MAN1A2: variants seen among roughly 807,000 people sequenced by gnomAD.
The protein encoded by MAN1A2 is mannosidase alpha class 1A member 2, also known as mannosyl-oligosaccharide 1,2-alpha-mannosidase IB.
Under a neutral mutation model 75.7 loss-of-function variants are expected in MAN1A2, and 26 were observed. That is an observed-to-expected ratio of 0.34 (90% confidence interval 0.25 to 0.48). The LOEUF is 0.48. MAN1A2 is among the 20% of genes least tolerant of loss of function. The pLI is 0.99. For missense variants in MAN1A2, 562 were observed against 775.5 expected, an observed-to-expected ratio of 0.72 and a Z score of 3.27; for synonymous variants, 247 against 264.6, an observed-to-expected ratio of 0.93 and a Z score of 0.65.
chr1:117,435,541 A>G (rs1364262452), intron 5 of MAN1A2, among the ~76,000 whole-genome samples: 4 of 152,188 alleles, frequency 2.6e-5, no homozygotes, highest in Non-Finnish European at 4.4e-5. Context: ...AAATTAGACA[A>G]TTTTGTAAAA....
intron 8 of MAN1A2, among the ~76,000 whole-genome samples, chr1:117,477,331 C>CA (rs1177556240): frequency 6.6e-6 from 1 of 151,734 alleles, no homozygotes; most frequent in Non-Finnish European, 1.5e-5. Context: ...AGAGACACAA[C>CA]AAAAAAAGAA....
chr1:117,430,997 TA>T (rs1648620719), intron 5 of MAN1A2, among the ~76,000 whole-genome samples: 1 of 133,350 alleles, frequency 7.5e-6, no homozygotes, highest in African/African-American at 2.8e-5. Flanking sequence ...CACTCGCGGT[TA>T]GGGGCTGGAG....
intron 1 of MAN1A2, among the ~76,000 whole-genome samples, chr1:117,384,174 C>T (rs1436515294): frequency 6.6e-6 from 1 of 152,066 alleles, no homozygotes; most frequent in Non-Finnish European, 1.5e-5. Context: ...AGGTTATGGG[C>T]TTGGTTTGCA....
chr1:117,459,505 C>T (rs140373473), intron 6 of MAN1A2, among the ~76,000 whole-genome samples: 1 of 152,192 alleles, frequency 6.6e-6, no homozygotes, highest in East Asian at 1.9e-4. Context: ...GGGGTAAAAA[C>T]GGAAATGGAC....
At chr1:117,397,708 A>G (rs571038957) in intron 1 of MAN1A2, among the ~76,000 whole-genome samples, 9 of 139,704 alleles carry the variant, frequency 6.4e-5, no homozygotes, top group African/African-American at 2.4e-4. Flanking sequence ...CTGGAGTGCA[A>G]TGTCACGATC....
intron 11 of MAN1A2, among the ~76,000 whole-genome samples, chr1:117,502,486 T>C (rs1557976537): frequency 6.6e-6 from 1 of 151,708 alleles, no homozygotes. Context: ...TAAAATTGCA[T>C]TAAAAATTGT....
chr1:117,445,838 A>C, intron 6 of MAN1A2, among the ~76,000 whole-genome samples: 1 of 103,510 alleles, frequency 9.7e-6, no homozygotes, highest in African/African-American at 3.6e-5. Context: ...AAATTTTCAT[A>C]TTTGTGTGTG....
At chr1:117,466,562 C>A in intron 8 of MAN1A2, 135 bp downstream of exon 8, 1 of 527,196 alleles carries the variant, frequency 1.9e-6, no homozygotes, top group Non-Finnish European at 3.4e-6. Context: ...TGGTGCTGTT[C>A]TTAGGCATGT....
chr1:117,470,181 A>C (rs747733581), intron 8 of MAN1A2, among the ~76,000 whole-genome samples: 12 of 152,186 alleles, frequency 7.9e-5, no homozygotes, highest in Non-Finnish European at 1.5e-4. Context: ...CAAACCTTGA[A>C]AACATTATGC....
intron 5 of MAN1A2, among the ~76,000 whole-genome samples, chr1:117,422,009 C>T (rs950258507): frequency 6.6e-6 from 1 of 151,968 alleles, no homozygotes; most frequent in Non-Finnish European, 1.5e-5. Flanking sequence ...AAACTCTGAC[C>T]TGGCTTATAG....
Position 117,524,939 on chromosome 1 carries a change from C to A in MAN1A2, c.*1982C>A. ...ATGTTAGCCTTCCTCGTAAAAGTAG[C>A]ACAAGCCCACTTATGAATCACTGAG... On this transcript the variant is annotated 3_prime_UTR_variant, in exon 13 of 13. Coordinates refer to ENST00000356554, the MANE Select transcript of MAN1A2 (RefSeq NM_006699.5). 3.0e-6 allele frequency: 1 copy of A among 335,458 alleles called. No individual in the cohort carries two copies. Among genetic ancestry groups the A allele is most frequent in the Non-Finnish European group, 6.0e-6 (1 of 165,906 alleles). 20.8% of individuals were successfully genotyped at this position (335,458 alleles called of 1,614,324 possible). A position where few individuals can be genotyped will look rare whatever the true frequency, so the allele number is the denominator to read the frequency against.
chr1:117,391,245 G>A (rs771698588), intron 1 of MAN1A2, among the ~76,000 whole-genome samples: 29 of 152,028 alleles, frequency 1.9e-4, no homozygotes, highest in Non-Finnish European at 2.9e-4. Flanking sequence ...TACATGTTCC[G>A]TTTGCATTTA....
At chr1:117,458,507 A>ATG (rs1239949428) in intron 6 of MAN1A2, among the ~76,000 whole-genome samples, 4,483 of 111,546 alleles carry the variant, frequency 0.04, 182 homozygotes, top group African/African-American at 0.1. Flanking sequence ...CTATATATAT[A>ATG]TATAGATATA....
intron 12 of MAN1A2, 140 bp from the exon 13 acceptor site, chr1:117,522,685 G>A (rs1229179755): frequency 4.3e-6 from 3 of 698,270 alleles, no homozygotes; most frequent in Non-Finnish European, 7.3e-6. Context: ...TCATTTGGGT[G>A]TCTGAGGTTT....
chr1:117,398,777 A>AC (rs1647308039), intron 1 of MAN1A2, among the ~76,000 whole-genome samples: 1 of 152,212 alleles, frequency 6.6e-6, no homozygotes, highest in African/African-American at 2.4e-5. Flanking sequence ...GCTACATTAT[A>AC]CAGAATTTCT....
intron 12 of MAN1A2, among the ~76,000 whole-genome samples, chr1:117,509,417 C>G (rs1644133536): frequency 6.6e-6 from 1 of 151,804 alleles, no homozygotes; most frequent in Non-Finnish European, 1.5e-5. Flanking sequence ...TTTCAAACAC[C>G]CTAAGTGAGA....
At chr1:117,374,409 C>T (rs1256829702) in intron 1 of MAN1A2, among the ~76,000 whole-genome samples, 2 of 152,100 alleles carry the variant, frequency 1.3e-5, no homozygotes, top group African/African-American at 4.8e-5. Context: ...AGTTTATTTT[C>T]ACTGCTATTG....
chr1:117,460,451 C>T, intron 6 of MAN1A2, 38 bp from the exon 7 acceptor site: 2 of 1,529,252 alleles, frequency 1.3e-6, no homozygotes, highest in Non-Finnish European at 1.8e-6. Flanking sequence ...GGTCTTTTCC[C>T]AATCCTGTGT....
At chr1:117,473,005 G>GC (rs1395552115) in intron 8 of MAN1A2, among the ~76,000 whole-genome samples, 2 of 151,816 alleles carry the variant, frequency 1.3e-5, no homozygotes, top group Admixed American at 6.6e-5. Flanking sequence ...TTACATGCTG[G>GC]CATCTCTCAA....
Sources: gnomAD v4.1 joint callset for allele counts (sites outside exome capture counted in the v4.1 genomes callset) on GRCh38, gnomAD v4.1.1 for gene constraint, MANE v1.5 for transcripts, NCBI Gene and HGNC (gene_info 2026-07-23, HGNC 2026-07-21) for gene names.